The following ELOVL2 variants were observed in gnomAD, a reference collection of about 807,000 sequenced individuals.
ELOVL2 encodes the protein ELOVL fatty acid elongase 2.
ELOVL2 carries 38 observed loss-of-function variants against 37.7 expected under a neutral mutation model. That is an observed-to-expected ratio of 1.01 (90% CI 0.78 to 1.32). The LOEUF (loss-of-function observed/expected upper bound fraction) is 1.32. Ranked by LOEUF, ELOVL2 falls within the 40% of genes most tolerant of loss-of-function variation. The pLI, the probability that ELOVL2 is intolerant of heterozygous loss-of-function variation, is 0.00. For synonymous variants in ELOVL2, 115 were observed against 122.3 expected, an observed-to-expected ratio of 0.94 and a Z score of 0.40; for missense variants, 352 against 363.6, an observed-to-expected ratio of 0.97 and a Z score of 0.26.
intron 1 of ELOVL2, among the ~76,000 whole-genome samples, chr6:11,042,385 A>G (rs1340779579): frequency 3.5e-5 from 5 of 144,444 alleles, no homozygotes; most frequent in Non-Finnish European, 7.6e-5. Flanking sequence ...GAAGACCCAC[A>G]GTTTCTGAGA....
chr6:11,006,248 G>C (rs1007366026), intron 2 of ELOVL2, among the ~76,000 whole-genome samples: 1 of 152,234 alleles, frequency 6.6e-6, no homozygotes, highest in Non-Finnish European at 1.5e-5. Flanking sequence ...TGAGGACCCA[G>C]ATCTGGCCAT....
At chr6:10,999,841 C>T (rs889374492) in intron 4 of ELOVL2, among the ~76,000 whole-genome samples, 6 of 152,138 alleles carry the variant, frequency 3.9e-5, no homozygotes, top group African/African-American at 9.7e-5. Flanking sequence ...AATTCTGTAG[C>T]GGTATAGAGC....
At chr6:11,037,530 T>G (rs1783029460) in intron 1 of ELOVL2, among the ~76,000 whole-genome samples, 1 of 134,662 alleles carries the variant, frequency 7.4e-6, no homozygotes, top group African/African-American at 2.8e-5. Context: ...AATACTACAC[T>G]CGTTCTACTA....
At chr6:11,014,057 T>C (rs990737569) in intron 1 of ELOVL2, among the ~76,000 whole-genome samples, 2 of 152,174 alleles carry the variant, frequency 1.3e-5, no homozygotes, top group African/African-American at 4.8e-5. Flanking sequence ...ATTCAATTTG[T>C]GGCTGTGTAC....
chr6:11,012,384 T>C (rs1239298292), intron 1 of ELOVL2, among the ~76,000 whole-genome samples: 3 of 152,206 alleles, frequency 2.0e-5, no homozygotes, highest in African/African-American at 7.2e-5. Flanking sequence ...GAGATCTCAG[T>C]GTGACAGAAT....
chr6:11,023,890 A>G (rs1398218025), intron 1 of ELOVL2, among the ~76,000 whole-genome samples: 3 of 152,218 alleles, frequency 2.0e-5, no homozygotes, highest in African/African-American at 7.2e-5. Flanking sequence ...GAGCAAAAAA[A>G]TTGGTGAAAC....
At chr6:10,999,255 ATT>A (rs1005467555) in intron 4 of ELOVL2, among the ~76,000 whole-genome samples, 8 of 152,024 alleles carry the variant, frequency 5.3e-5, no homozygotes, top group African/African-American at 1.9e-4. Flanking sequence ...TTTAAATTTA[ATT>A]TTGTTTTATA....
In ELOVL2 at chr6:11,005,536, T is replaced by A; in HGVS notation, c.91A>T (p.Met31Leu). The A allele has an allele frequency of 6.2e-7, 1 of 1,613,616 alleles. No individual in the cohort carries two copies. The highest frequency in any genetic ancestry group is 8.5e-7 in the Non-Finnish European group (1 of 1,179,828). ...AAGGTAGGAAGGTAAGAGTCCAACA[T>A]GAACCACCCTCTGACTCGAGAATCT... Reference protein sequence around the residue: ...PRDSRVRGWFMLDSYLPTFFL... With the variant: ...PRDSRVRGWFLLDSYLPTFFL... The change falls in exon 3 of 8, where the codon ATG becomes TTG. Residue 31 changes from methionine (M) to leucine (L), a missense_variant. Transcript: ENST00000354666.
chr6:11,012,222 C>G (rs1782596921), intron 1 of ELOVL2, among the ~76,000 whole-genome samples: 1 of 152,112 alleles, frequency 6.6e-6, no homozygotes, highest in African/African-American at 2.4e-5. Context: ...TGCTGGCCAG[C>G]ATATAAGGAA....
At chr6:11,043,903 A>T (rs1223695921) in intron 1 of ELOVL2, 1 of 244,468 alleles carries the variant, frequency 4.1e-6, no homozygotes, top group East Asian at 7.6e-5. Context: ...TTCCTCGGGC[A>T]TCCCGGGCGC....
intron 4 of ELOVL2, among the ~76,000 whole-genome samples, chr6:10,996,776 G>A (rs1257594987): frequency 6.6e-6 from 1 of 152,268 alleles, no homozygotes; most frequent in East Asian, 1.9e-4. Flanking sequence ...TAGGGAGGCC[G>A]AGGCAGGTGG....
intron 1 of ELOVL2, among the ~76,000 whole-genome samples, chr6:11,040,837 A>C (rs1783089132): frequency 6.6e-6 from 1 of 152,206 alleles, no homozygotes; most frequent in African/African-American, 2.4e-5. Context: ...ACAGGATAAA[A>C]TACTGAAGCC....
intron 1 of ELOVL2, among the ~76,000 whole-genome samples, chr6:11,027,276 T>A (rs1022773298): frequency 6.6e-6 from 1 of 152,184 alleles, no homozygotes; most frequent in Admixed American, 6.5e-5. Context: ...GAGCTCTGCA[T>A]GGTCCAGAGT....
intron 7 of ELOVL2, among the ~76,000 whole-genome samples, chr6:10,985,907 G>A (rs1782043538): frequency 6.6e-6 from 1 of 151,944 alleles, no homozygotes; most frequent in Non-Finnish European, 1.5e-5. Context: ...AGCTTGATGG[G>A]GATGGCATTG....
chr6:11,043,464 G>A (rs1414652648), intron 1 of ELOVL2: 1 of 45,798 alleles, frequency 2.2e-5, no homozygotes, highest in East Asian at 1.6e-3. Context: ...TCGGACACGG[G>A]TGAACACACA....
At chr6:10,986,020 T>G (rs1019189720) in intron 7 of ELOVL2, among the ~76,000 whole-genome samples, 4 of 152,218 alleles carry the variant, frequency 2.6e-5, no homozygotes, top group Non-Finnish European at 5.9e-5. Flanking sequence ...CTTTTTTATT[T>G]CATTGAGCAG....
chr6:11,042,353 G>A (rs866548309), intron 1 of ELOVL2, among the ~76,000 whole-genome samples: 3 of 151,294 alleles, frequency 2.0e-5, no homozygotes, highest in Non-Finnish European at 2.9e-5. Context: ...TTTGGATTTG[G>A]GTATTAAAAA....
intron 1 of ELOVL2, among the ~76,000 whole-genome samples, chr6:11,016,053 C>T (rs1454739296): frequency 2.0e-5 from 3 of 152,166 alleles, no homozygotes; most frequent in African/African-American, 7.2e-5. Flanking sequence ...AAAATTCTGC[C>T]TGCGCTTTCT....
At chr6:11,019,726 G>GT (rs1782736785) in intron 1 of ELOVL2, among the ~76,000 whole-genome samples, 1 of 150,262 alleles carries the variant, frequency 6.7e-6, no homozygotes, top group African/African-American at 2.5e-5. Context: ...TATCGTTTTA[G>GT]TTTAGTTTTT....
Sources: gnomAD v4.1 joint callset for allele counts (sites outside exome capture counted in the v4.1 genomes callset) on GRCh38, gnomAD v4.1.1 for gene constraint, MANE v1.5 for transcripts, NCBI Gene and HGNC (gene_info 2026-07-23, HGNC 2026-07-21) for gene names.